The following SLC9A9 variants were observed in gnomAD, a reference collection of about 807,000 sequenced individuals.
SLC9A9 encodes sodium/hydrogen exchanger 9.
In SLC9A9, 62 loss-of-function variants were observed where a neutral mutation model predicts 77.8. The ratio of observed to expected loss-of-function variants is 0.80; its 90% confidence interval spans 0.65 to 0.98. SLC9A9 has a LOEUF of 0.98. SLC9A9 is among the 50% of genes least tolerant of loss of function. The probability of loss-of-function intolerance (pLI) is 0.00; values close to 1 mark genes in which losing one functional copy is unlikely to be tolerated. For synonymous variants in SLC9A9, 320 were observed against 283.5 expected (o/e 1.13, Z -1.29); for missense variants, 775 against 774.9 (o/e 1.00, Z 0.00).
chr3:143,837,184 C>A (rs1258626841), intron 1 of SLC9A9, among the ~76,000 whole-genome samples: 1 of 152,132 alleles, frequency 6.6e-6, no homozygotes, highest in Non-Finnish European at 1.5e-5. Flanking sequence ...ATAATTGTGT[C>A]CAGACACCAT....
chr3:143,613,223 C>G (rs578150918), intron 6 of SLC9A9, among the ~76,000 whole-genome samples: 16 of 152,246 alleles, frequency 1.1e-4, no homozygotes, highest in African/African-American at 3.9e-4. Context: ...CTCTGTTTTT[C>G]TCCCTTTCTT....
intron 6 of SLC9A9, among the ~76,000 whole-genome samples, chr3:143,589,957 GAA>G (rs11301982): frequency 6.6e-6 from 1 of 151,886 alleles, no homozygotes; most frequent in Non-Finnish European, 1.5e-5. Flanking sequence ...TAATTTGCAA[GAA>G]AAAAAATTAC....
chr3:143,743,064 G>T (rs1264603878), intron 4 of SLC9A9, among the ~76,000 whole-genome samples: 2 of 152,228 alleles, frequency 1.3e-5, no homozygotes, highest in East Asian at 3.9e-4. Flanking sequence ...GTGACGAGGT[G>T]CTGAAATTTA....
chr3:143,582,625 G>A (rs185347221), intron 6 of SLC9A9, among the ~76,000 whole-genome samples: 47 of 152,278 alleles, frequency 3.1e-4, no homozygotes, highest in African/African-American at 3.6e-4. Flanking sequence ...GGCAGGTACC[G>A]CAGAGAAATG....
intron 4 of SLC9A9, among the ~76,000 whole-genome samples, chr3:143,706,739 T>C (rs918814719): frequency 1.3e-5 from 2 of 152,238 alleles, no homozygotes; most frequent in African/African-American, 4.8e-5. Flanking sequence ...ACAGGCCACA[T>C]ACAGCCCAGG....
intron 9 of SLC9A9, among the ~76,000 whole-genome samples, chr3:143,547,113 C>T (rs970655332): frequency 6.6e-6 from 1 of 152,168 alleles, no homozygotes; most frequent in Non-Finnish European, 1.5e-5. Context: ...TTTCTTTTCC[C>T]TAATGTTTAT....
At chr3:143,456,498 A>G (rs992871131) in intron 12 of SLC9A9, among the ~76,000 whole-genome samples, 13 of 151,894 alleles carry the variant, frequency 8.6e-5, no homozygotes, top group African/African-American at 3.1e-4. Context: ...AGAATTTGCC[A>G]GTGAAACCAT....
chr3:143,437,589 C>T (rs112041063), intron 12 of SLC9A9, among the ~76,000 whole-genome samples: 4,730 of 152,284 alleles, frequency 0.031, 254 homozygotes, highest in African/African-American at 0.11. Context: ...GGCCCGAGGC[C>T]GCTCAACAGG....
chr3:143,429,549 G>T (rs1020151311), intron 12 of SLC9A9, among the ~76,000 whole-genome samples: 1 of 152,212 alleles, frequency 6.6e-6, no homozygotes, highest in African/African-American at 2.4e-5. Flanking sequence ...CACAGTTCAG[G>T]CAGTTCATTT....
At chr3:143,300,963 C>T (rs1350635774) in intron 14 of SLC9A9, among the ~76,000 whole-genome samples, 1 of 152,172 alleles carries the variant, frequency 6.6e-6, no homozygotes, top group Non-Finnish European at 1.5e-5. Flanking sequence ...AAGGCAAAAA[C>T]CTGTTTAACA....
chr3:143,460,071 T>C (rs1269224913), intron 12 of SLC9A9, among the ~76,000 whole-genome samples: 1 of 152,196 alleles, frequency 6.6e-6, no homozygotes, highest in Non-Finnish European at 1.5e-5. Context: ...CTTTCCTTTA[T>C]CTTGTTCCAG....
chr3:143,735,785 A>AT, intron 4 of SLC9A9, among the ~76,000 whole-genome samples: 1 of 152,334 alleles, frequency 6.6e-6, no homozygotes, highest in East Asian at 1.9e-4. Flanking sequence ...AGTGTGTAAG[A>AT]TTATGGGCTT....
At chr3:143,379,565 C>A (rs1681975855) in intron 13 of SLC9A9, among the ~76,000 whole-genome samples, 1 of 152,182 alleles carries the variant, frequency 6.6e-6, no homozygotes, top group Admixed American at 6.5e-5. Flanking sequence ...TTGTAGGTAG[C>A]AGCAGTTCAG....
intron 9 of SLC9A9, among the ~76,000 whole-genome samples, chr3:143,531,503 G>A (rs1008405135): frequency 2.0e-5 from 3 of 152,172 alleles, no homozygotes; most frequent in Admixed American, 2.0e-4. Flanking sequence ...AATCAAATAA[G>A]ACATAATGTA....
chr3:143,540,565 T>C (rs1160124636), intron 9 of SLC9A9, among the ~76,000 whole-genome samples: 2 of 152,104 alleles, frequency 1.3e-5, no homozygotes, highest in East Asian at 3.9e-4. Context: ...GATAAAACAA[T>C]AGAATGCATA....
At chr3:143,369,971 C>T (rs763843178) in intron 13 of SLC9A9, among the ~76,000 whole-genome samples, 5 of 152,342 alleles carry the variant, frequency 3.3e-5, no homozygotes, top group African/African-American at 7.2e-5. Flanking sequence ...AACATGGAAG[C>T]GAATCCTCTA....
intron 14 of SLC9A9, among the ~76,000 whole-genome samples, chr3:143,275,444 C>T (rs1938017312): frequency 6.6e-6 from 1 of 152,124 alleles, no homozygotes; most frequent in African/African-American, 2.4e-5. Context: ...TAGGAGCATT[C>T]TATTTCCTTG....
chr3:143,755,238 A>C (rs902386682), intron 4 of SLC9A9, among the ~76,000 whole-genome samples: 2 of 152,124 alleles, frequency 1.3e-5, no homozygotes, highest in Non-Finnish European at 2.9e-5. Context: ...GCCACCTCTC[A>C]ATGAAATCAA....
At chr3:143,662,431 G>A (rs1205131094) in intron 5 of SLC9A9, among the ~76,000 whole-genome samples, 1 of 152,212 alleles carries the variant, frequency 6.6e-6, no homozygotes, top group Non-Finnish European at 1.5e-5. Context: ...TGAGGTATTG[G>A]GTTCATCTCA....
Sources: gnomAD v4.1 joint callset for allele counts (sites outside exome capture counted in the v4.1 genomes callset) on GRCh38, gnomAD v4.1.1 for gene constraint, MANE v1.5 for transcripts, NCBI Gene and HGNC (gene_info 2026-07-23, HGNC 2026-07-21) for gene names.